GNAO1: variants seen among roughly 807,000 people sequenced by gnomAD.
The protein encoded by GNAO1 is guanine nucleotide-binding protein G(o) subunit alpha.
For synonymous variants in GNAO1, 164 were observed against 180.7 expected (o/e 0.91, Z 0.74); for missense variants, 166 against 478.7 (o/e 0.35, Z 6.10).
intron 2 of GNAO1, among the ~76,000 whole-genome samples, chr16:56,251,048 A>G (rs2036794810): frequency 6.6e-6 from 1 of 152,202 alleles, no homozygotes; most frequent in Non-Finnish European, 1.5e-5. Context: ...TTTACCCCCG[A>G]GTCTAAGATC....
At chr16:56,257,433 G>A (rs995638359) in intron 2 of GNAO1, among the ~76,000 whole-genome samples, 3 of 152,264 alleles carry the variant, frequency 2.0e-5, no homozygotes, top group East Asian at 1.9e-4. Flanking sequence ...CCAAGGCCAC[G>A]TGATTGTCAT....
At chr16:56,297,368 G>C (rs985313910) in intron 3 of GNAO1, among the ~76,000 whole-genome samples, 4 of 152,056 alleles carry the variant, frequency 2.6e-5, no homozygotes, top group Middle Eastern at 3.2e-3. Flanking sequence ...AAGGCTCAGG[G>C]AGGCCAACCA....
chr16:56,287,659 A>G (rs1210866938), intron 3 of GNAO1, among the ~76,000 whole-genome samples: 1 of 152,164 alleles, frequency 6.6e-6, no homozygotes, highest in Admixed American at 6.5e-5. Context: ...GGTTGGTGTC[A>G]AGGCCTCTTA....
rs2036482805 is a variant in GNAO1 at position 56,221,160 on chromosome 16, T to TG, written c.161+28545dup. Among the ~76,000 whole-genome samples, 4 of 152,188 alleles carry TG rather than the reference T, an allele frequency of 2.6e-5. No individual in the cohort carries two copies. In the South Asian group the frequency reaches 8.3e-4, roughly 32 times the overall value. On this transcript the variant is annotated intron_variant, in intron 2 of 8. Transcript: ENST00000262493. Reference sequence around the variant, plus strand: ...GCTTCAAGAAGGCCCCACTAGACACTGAATGCCAGTGCCTCAACGTTGGAC... The same window carrying TG: ...GCTTCAAGAAGGCCCCACTAGACACTGGAATGCCAGTGCCTCAACGTTGGAC...
At chr16:56,314,996 C>T (rs1410238264) in intron 3 of GNAO1, among the ~76,000 whole-genome samples, 2 of 152,200 alleles carry the variant, frequency 1.3e-5, no homozygotes, top group Non-Finnish European at 2.9e-5. Flanking sequence ...ACGTGATCTG[C>T]ACCTTTTCTA....
At chr16:56,327,408 C>T (rs1490139552) in intron 3 of GNAO1, among the ~76,000 whole-genome samples, 7 of 152,036 alleles carry the variant, frequency 4.6e-5, no homozygotes, top group Non-Finnish European at 8.8e-5. Flanking sequence ...GCTGAAGAGG[C>T]GCAGGGCAAA....
At chr16:56,275,540 T>C (rs1478441211) in intron 2 of GNAO1, among the ~76,000 whole-genome samples, 2 of 152,254 alleles carry the variant, frequency 1.3e-5, no homozygotes, top group Non-Finnish European at 2.9e-5. Flanking sequence ...GCAGACTTTT[T>C]ACAGGGATTT....
intron 2 of GNAO1, among the ~76,000 whole-genome samples, chr16:56,202,181 A>C (rs2036287313): frequency 6.6e-6 from 1 of 152,224 alleles, no homozygotes; most frequent in African/African-American, 2.4e-5. Flanking sequence ...AAAGACTTTC[A>C]AGGGCAGGAA....
intron 6 of GNAO1, chr16:56,347,277 C>T: frequency 1.0e-6 from 1 of 985,434 alleles, no homozygotes; most frequent in African/African-American, 1.7e-5. Context: ...ACCTGAGGCT[C>T]CAGCTCCGCG....
At chr16:56,288,446 C>T (rs570399441) in intron 3 of GNAO1, among the ~76,000 whole-genome samples, 10 of 152,190 alleles carry the variant, frequency 6.6e-5, no homozygotes, top group Non-Finnish European at 1.0e-4. Flanking sequence ...ATATGGGGCA[C>T]GCCAGGAAGT....
intron 2 of GNAO1, among the ~76,000 whole-genome samples, chr16:56,250,178 C>T (rs2036786981): frequency 6.6e-6 from 1 of 152,168 alleles, no homozygotes; most frequent in Non-Finnish European, 1.5e-5. Flanking sequence ...GTCCCTCAGA[C>T]AAGTTGGCGG....
At chr16:56,345,448 G>A in intron 6 of GNAO1, 1 of 985,776 alleles carries the variant, frequency 1.0e-6, no homozygotes, top group Non-Finnish European at 1.2e-6. Context: ...CCCAGAGCCG[G>A]GAAGCACCAG....
intron 2 of GNAO1, among the ~76,000 whole-genome samples, chr16:56,233,292 C>A (rs1360083938): frequency 1.3e-5 from 2 of 152,170 alleles, no homozygotes; most frequent in East Asian, 3.8e-4. Flanking sequence ...TATTTACATG[C>A]CCCAGTGTCT....
intron 2 of GNAO1, among the ~76,000 whole-genome samples, chr16:56,262,545 G>GT (rs1203692582): frequency 3.3e-4 from 49 of 148,710 alleles, no homozygotes; most frequent in Middle Eastern, 3.5e-3. Context: ...AAGGCAGGAA[G>GT]TTTTTTTTTT....
At chr16:56,344,571 C>A in intron 6 of GNAO1, 6 of 986,282 alleles carry the variant, frequency 6.1e-6, no homozygotes, top group Non-Finnish European at 7.2e-6. Context: ...AGAGAACTCC[C>A]ATCCCTGACT....
At position 56,272,458 on chromosome 16, in the gene GNAO1, C is replaced by T. The variant is rs552568506; in HGVS notation, c.162-3473C>T. 3.3e-5 allele frequency among the ~76,000 whole-genome samples: 5 copies of T among 152,284 alleles called. No homozygotes were observed. The South Asian group carries it at 1.0e-3, about 32-fold the overall frequency. ...ACCTAATATAAGCCAGTTTGAACAA[C>T]TTATAGGGCTAATCATGATTTGAGC... On this transcript the variant is annotated intron_variant, in intron 2 of 8. Coordinates refer to ENST00000262493, the MANE Select transcript of GNAO1 (RefSeq NM_020988.3).
chr16:56,199,706 C>G lies in GNAO1; in HGVS notation c.161+7090C>G, dbSNP rs572436788. ...AATTTCTCAGGGCTCTTTCGGGTTT[C>G]CAGCTCTAAGATGCAGTAAATGCAA... is the stretch of plus-strand genomic sequence containing the variant. On this transcript the variant is annotated intron_variant, in intron 2 of 8. Coordinates refer to ENST00000262493, the MANE Select transcript of GNAO1 (RefSeq NM_020988.3). Among the ~76,000 whole-genome samples, 106 of 152,268 alleles carry G rather than the reference C, an allele frequency of 7.0e-4. 1 individual carries two copies. Among genetic ancestry groups the G allele is most frequent in the South Asian group, 2.9e-3 (14 of 4,818 alleles).
intron 2 of GNAO1, among the ~76,000 whole-genome samples, chr16:56,235,972 G>T (rs1490000336): frequency 1.3e-5 from 2 of 152,170 alleles, no homozygotes; most frequent in Admixed American, 1.3e-4. Flanking sequence ...GGGGATCAAG[G>T]CTCTCCCGTT....
At chr16:56,309,149 C>CA (rs1380322571) in intron 3 of GNAO1, among the ~76,000 whole-genome samples, 4 of 152,156 alleles carry the variant, frequency 2.6e-5, no homozygotes, top group African/African-American at 9.7e-5. Context: ...TGGGGACAGA[C>CA]AGGCAGGGTG....
Sources: allele counts gnomAD v4.1 joint callset (sites outside exome capture counted in the v4.1 genomes callset), GRCh38; gene constraint gnomAD v4.1.1; transcripts MANE v1.5; gene names NCBI Gene and HGNC (gene_info 2026-07-23, HGNC 2026-07-21).